Variants in PLPP3 observed in about 807,000 individuals in gnomAD.
The protein encoded by PLPP3 is PAP2 beta.
A neutral mutation model predicts 29.6 loss-of-function variants in PLPP3; 6 were observed. The observed-to-expected ratio is 0.20, with a 90% confidence interval of 0.11 to 0.40. The LOEUF is 0.40. Among genes scored for constraint, PLPP3 ranks in the 10% least tolerant of loss-of-function variants. The pLI is 1.00. For synonymous variants in PLPP3, 152 were observed against 159.7 expected, an observed-to-expected ratio of 0.95 and a Z score of 0.36; for missense variants, 308 against 407.7, an observed-to-expected ratio of 0.76 and a Z score of 2.11.
At chr1:56,570,776 C>T (rs1006970304) in intron 1 of PLPP3, among the ~76,000 whole-genome samples, 12 of 152,118 alleles carry the variant, frequency 7.9e-5, no homozygotes, top group African/African-American at 2.9e-4. Flanking sequence ...AAAGCAAAAA[C>T]TTTGAAAACA....
chr1:56,516,158 G>C (rs1645779068), intron 4 of PLPP3, among the ~76,000 whole-genome samples: 1 of 152,118 alleles, frequency 6.6e-6, no homozygotes, highest in African/African-American at 2.4e-5. Flanking sequence ...GTAGCAACAG[G>C]CTTTGGGATT....
chr1:56,558,819 T>C (rs750772260), intron 1 of PLPP3, among the ~76,000 whole-genome samples: 1 of 152,200 alleles, frequency 6.6e-6, no homozygotes, highest in Non-Finnish European at 1.5e-5. Flanking sequence ...AAAACTTTGA[T>C]TCTGGGTTAA....
Position 56,524,775 on chromosome 1 carries a change from C to T in PLPP3, c.298-221G>A, listed in dbSNP as rs1645842310. Among the ~76,000 whole-genome samples the T allele has an allele frequency of 6.6e-6, 1 of 150,560 alleles. No individual in the cohort carries two copies. Among genetic ancestry groups the T allele is most frequent in the Admixed American group, 6.6e-5 (1 of 15,064 alleles). On this transcript the variant is annotated intron_variant, in intron 2 of 5. Transcript: ENST00000371250. The surrounding 1 kb of genome is among the most constrained non-coding windows in gnomAD (Gnocchi z 4.3). ...GCCCCTTTGTAACAACAAAAATATA[C>T]AACCAAATATATTTATATGTATATA...
At chr1:56,521,266 G>C (rs1044181798) in intron 4 of PLPP3, among the ~76,000 whole-genome samples, 3 of 133,356 alleles carry the variant, frequency 2.2e-5, no homozygotes, top group South Asian at 2.5e-4. Context: ...AGAAGAAGAA[G>C]AACAAAGAAA....
chr1:56,560,986 T>C (rs971023211), intron 1 of PLPP3, among the ~76,000 whole-genome samples: 3 of 150,766 alleles, frequency 2.0e-5, no homozygotes, highest in East Asian at 2.0e-4. Flanking sequence ...TACAGGCGCC[T>C]GCCACCATGC....
chr1:56,577,041 TCTTA>T (rs1266557278), intron 1 of PLPP3, among the ~76,000 whole-genome samples: 1 of 152,220 alleles, frequency 6.6e-6, no homozygotes, highest in Non-Finnish European at 1.5e-5. Context: ...AGCTCTGCTT[TCTTA>T]ATCACAAAGT....
intron 1 of PLPP3, chr1:56,538,521 G>A: frequency 9.7e-6 from 4 of 412,052 alleles, no homozygotes; most frequent in South Asian, 8.5e-5. Flanking sequence ...AAAACATGGA[G>A]TTGTTTATTT....
intron 1 of PLPP3, among the ~76,000 whole-genome samples, chr1:56,539,835 T>C (rs1645956352): frequency 1.3e-5 from 2 of 152,264 alleles, no homozygotes; most frequent in Non-Finnish European, 2.9e-5. Flanking sequence ...AGCAGTATGA[T>C]ATTATTAATA....
At chr1:56,578,807 C>G in intron 1 of PLPP3, 71 bp downstream of exon 1, 2 of 1,385,002 alleles carry the variant, frequency 1.4e-6, no homozygotes, top group Non-Finnish European at 1.9e-6. Context: ...CTGCGCGGCC[C>G]CGGACTGGGC....
At chr1:56,498,677 AG>A (rs563130278) in intron 5 of PLPP3, among the ~76,000 whole-genome samples, 3 of 151,280 alleles carry the variant, frequency 2.0e-5, no homozygotes, top group Admixed American at 2.0e-4. Flanking sequence ...TCTGTCACCC[AG>A]GCTGGAGTGC....
At chr1:56,573,395 A>T (rs1243536933) in intron 1 of PLPP3, among the ~76,000 whole-genome samples, 1 of 152,196 alleles carries the variant, frequency 6.6e-6, no homozygotes, top group Non-Finnish European at 1.5e-5. Flanking sequence ...AAACAAACAA[A>T]CAAAAAAAGT....
chr1:56,516,621 A>C (rs534804184), intron 4 of PLPP3, among the ~76,000 whole-genome samples: 283 of 152,228 alleles, frequency 1.9e-3, no homozygotes, highest in African/African-American at 6.6e-3. Flanking sequence ...TCTGGGCTAG[A>C]GAATCAGCCC....
In PLPP3 at chr1:56,557,040, G is replaced by GAA. The variant is rs1329774312; in HGVS notation, c.140-19929_140-19928insTT. Among the ~76,000 whole-genome samples, 8 of 10,294 alleles carry GAA rather than the reference G, an allele frequency of 7.8e-4. 1 individual carries two copies. Among genetic ancestry groups the GAA allele is most frequent in the African/African-American group, 1.3e-3 (7 of 5,578 alleles). The allele number at this position is 10,294 out of a possible 152,430, so 6.8% of individuals were successfully genotyped here. A position where few individuals can be genotyped will look rare whatever the true frequency, so the allele number is the denominator to read the frequency against. On this transcript the variant is annotated intron_variant, in intron 1 of 5. Transcript: ENST00000371250. ...AGAGAGAGAGAAAGAGAGAGAGAGAGAGAGAGAGAGAGAGAGAGAAAGAAA... is the reference window on the plus strand; with the variant it reads ...AGAGAGAGAGAAAGAGAGAGAGAGAGAAAGAGAGAGAGAGAGAGAGAAAGAAA...
chr1:56,520,305 A>C (rs1645810062), intron 4 of PLPP3, among the ~76,000 whole-genome samples: 1 of 152,140 alleles, frequency 6.6e-6, no homozygotes, highest in Admixed American at 6.5e-5. Context: ...GCTTGATTCT[A>C]AAGACAAAAC....
intron 1 of PLPP3, among the ~76,000 whole-genome samples, chr1:56,576,757 G>T (rs995379987): frequency 1.3e-5 from 2 of 152,124 alleles, no homozygotes; most frequent in African/African-American, 4.8e-5. Context: ...TATTAGCTTT[G>T]GGGGGACGGG....
At chr1:56,578,240 G>A (rs1361191555) in intron 1 of PLPP3, among the ~76,000 whole-genome samples, 3 of 152,264 alleles carry the variant, frequency 2.0e-5, no homozygotes, top group East Asian at 1.9e-4. Flanking sequence ...GAGAGTGGGC[G>A]AGCTAAAACT....
intron 2 of PLPP3, among the ~76,000 whole-genome samples, chr1:56,528,523 C>A (rs1323094765): frequency 6.6e-6 from 1 of 152,066 alleles, no homozygotes; most frequent in Non-Finnish European, 1.5e-5. Context: ...CTTTACCTCT[C>A]TGGGCTTAGA....
intron 1 of PLPP3, among the ~76,000 whole-genome samples, chr1:56,572,340 A>G (rs1443280964): frequency 1.3e-5 from 2 of 152,068 alleles, no homozygotes; most frequent in Non-Finnish European, 2.9e-5. Flanking sequence ...GTGAGCCACC[A>G]CGCCTGGCCT....
intron 5 of PLPP3, among the ~76,000 whole-genome samples, chr1:56,502,885 G>A (rs1396483184): frequency 2.0e-5 from 3 of 152,178 alleles, no homozygotes; most frequent in African/African-American, 7.2e-5. Flanking sequence ...AAAGACCATG[G>A]CTGTTGCTCC....
Sources: allele counts gnomAD v4.1 joint callset (sites outside exome capture counted in the v4.1 genomes callset), GRCh38; gene constraint gnomAD v4.1.1; non-coding constraint Gnocchi (gnomAD v3.1); transcripts MANE v1.5; gene names NCBI Gene and HGNC (gene_info 2026-07-23, HGNC 2026-07-21).